CGRRF1: variants seen among roughly 807,000 people sequenced by gnomAD.
CGRRF1 encodes cell growth regulator with ring finger domain 1, also known as cell growth regulator with RING finger domain protein 1.
CGRRF1 carries 32 observed loss-of-function variants against 37.2 expected under a neutral mutation model. The ratio of observed to expected loss-of-function variants is 0.86; its 90% CI spans 0.65 to 1.16. The LOEUF is 1.16. Ranked by LOEUF, CGRRF1 falls within the 50% of genes most tolerant of loss-of-function variation. The pLI, the probability that CGRRF1 is intolerant of heterozygous loss-of-function variation, is 0.00. For synonymous variants in CGRRF1, 141 were observed against 140.3 expected (o/e 1.00, Z -0.04); for missense variants, 391 against 382.6 (o/e 1.02, Z -0.18).
chr14:54,518,358 C>T (rs2032252219), intron 1 of CGRRF1, among the ~76,000 whole-genome samples: 1 of 151,862 alleles, frequency 6.6e-6, no homozygotes, highest in Non-Finnish European at 1.5e-5. Context: ...CCAGCCTGAC[C>T]AACATGGAGA....
At chr14:54,518,089 A>G (rs551211311) in intron 1 of CGRRF1, among the ~76,000 whole-genome samples, 20 of 152,154 alleles carry the variant, frequency 1.3e-4, no homozygotes, top group African/African-American at 3.9e-4. Context: ...TAATATATGC[A>G]TGCATGTATC....
chr14:54,530,917 G>A lies in CGRRF1; in HGVS notation c.437G>A (p.Ser146Asn), dbSNP rs779098640. 7 of 1,593,320 alleles carry A rather than the reference G, an allele frequency of 4.4e-6. No homozygotes were observed. In the South Asian group the frequency reaches 6.6e-5, roughly 15 times the overall value. The stretch of plus-strand genomic sequence containing the variant: ...TTTTCAAAAAGTATTAAAAAGGATA[G>A]CAAAGAAGAAATATATTGCCAGTTA... Reference protein sequence around the residue: ...YQEQYFIKKDSKEEIYCQLPR... With the variant: ...YQEQYFIKKDNKEEIYCQLPR... The change falls in exon 4 of 6, where the codon AGC (serine) becomes AAC (asparagine). Residue 146 changes from serine to asparagine, a missense_variant. Coordinates refer to ENST00000216420, the MANE Select transcript of CGRRF1 (RefSeq NM_006568.3).
Position 54,530,910 on chromosome 14 carries a change from A to T in CGRRF1, c.430A>T (p.Lys144Ter), listed in dbSNP as rs755839044. 1 of 1,588,832 alleles carries T rather than the reference A, an allele frequency of 6.3e-7. No homozygotes were observed. Among genetic ancestry groups the T allele is most frequent in the Non-Finnish European group, 8.6e-7 (1 of 1,159,084 alleles). ...CTTTACATTTTCAAAAAGTATTAAA[A>T]AGGATAGCAAAGAAGAAATATATTG... ...YLYQEQYFIK[K>*]DSKEEIYCQL... The change falls in exon 4 of 6, where the codon AAG becomes TAG. Residue 144 changes from lysine (K) to a stop codon, truncating the protein, a stop_gained. Transcript: ENST00000216420. LOFTEE classifies it high-confidence loss of function.
chr14:54,526,009 A>T (rs1158586646), intron 2 of CGRRF1, among the ~76,000 whole-genome samples: 2 of 151,892 alleles, frequency 1.3e-5, no homozygotes, highest in African/African-American at 4.8e-5. Flanking sequence ...AGGCTGGAGG[A>T]TTGCTTAAGT....
At chr14:54,513,055 T>TA (rs1378710372) in intron 1 of CGRRF1, among the ~76,000 whole-genome samples, 5 of 152,330 alleles carry the variant, frequency 3.3e-5, no homozygotes, top group Admixed American at 3.3e-4. Flanking sequence ...CTGACAACTT[T>TA]AAAAATCAAG....
In CGRRF1 at chr14:54,538,385, G is replaced by C. The variant is rs150559786; in HGVS notation, c.*2G>C. On this transcript the variant is annotated 3_prime_UTR_variant, in exon 6 of 6. Transcript: ENST00000216420. ...AAAGACAAACCGAAGACTCTTTGAA[G>C]ACATCGTAACACTGAAAAGTACACT... The C allele has an allele frequency of 2.5e-6, 4 of 1,598,520 alleles. No homozygotes were observed. The African/African-American group carries it at 5.4e-5, about 21-fold the overall frequency.
chr14:54,522,384 A>C (rs1464281313), intron 1 of CGRRF1, 70 bp from the exon 2 acceptor site: 2 of 1,134,556 alleles, frequency 1.8e-6, no homozygotes, highest in African/African-American at 3.2e-5. Flanking sequence ...ATGAAGCACA[A>C]CAGATTTTAC....
At chr14:54,534,170 G>A (rs1451717923) in intron 4 of CGRRF1, among the ~76,000 whole-genome samples, 1 of 152,030 alleles carries the variant, frequency 6.6e-6, no homozygotes, top group Non-Finnish European at 1.5e-5. Flanking sequence ...TGTCGCCCAG[G>A]CTGGTGTGCA....
intron 1 of CGRRF1, among the ~76,000 whole-genome samples, chr14:54,517,495 C>T (rs2032237300): frequency 6.6e-6 from 1 of 152,130 alleles, no homozygotes; most frequent in African/African-American, 2.4e-5. Context: ...TAGTTTTCAA[C>T]CTAAATTTTA....
At chr14:54,532,354 A>G (rs2032529652) in intron 4 of CGRRF1, among the ~76,000 whole-genome samples, 1 of 152,086 alleles carries the variant, frequency 6.6e-6, no homozygotes, top group Admixed American at 6.6e-5. Context: ...GGGGAAGGAA[A>G]TGGGGATATG....
intron 1 of CGRRF1, 24 bp from the exon 2 acceptor site, chr14:54,522,430 A>G (rs962177894): frequency 2.0e-5 from 29 of 1,453,440 alleles, no homozygotes; most frequent in Non-Finnish European, 2.3e-5. Context: ...TTAAAATAAT[A>G]TTTTATTTTT....
intron 2 of CGRRF1, among the ~76,000 whole-genome samples, chr14:54,527,105 A>C (rs944090213): frequency 6.6e-6 from 1 of 152,136 alleles, no homozygotes; most frequent in Non-Finnish European, 1.5e-5. Context: ...TTTGATTCTG[A>C]ATTTTCTTAC....
chr14:54,531,941 T>C (rs2032522313), intron 4 of CGRRF1, among the ~76,000 whole-genome samples: 1 of 152,212 alleles, frequency 6.6e-6, no homozygotes, highest in Admixed American at 6.5e-5. Flanking sequence ...TAACATTGTT[T>C]TGTGATATTC....
Position 54,518,626 on chromosome 14 carries a change from T to A in CGRRF1, c.105-3828T>A, listed in dbSNP as rs116264443. On this transcript the variant is annotated intron_variant, in intron 1 of 5. Coordinates refer to ENST00000216420, the MANE Select transcript of CGRRF1 (RefSeq NM_006568.3). The stretch of plus-strand genomic sequence containing the variant: ...AAGATCTGTTGTTTCTGGATTTTTT[T>A]AATAATTGCCATTATGACTGGCGTG... Among the ~76,000 whole-genome samples, 1,338 of 152,336 alleles carry A rather than the reference T, an allele frequency of 8.8e-3. 16 individuals carry two copies. The highest frequency in any genetic ancestry group is 0.031 in the African/African-American group (1,271 of 41,568).
intron 2 of CGRRF1, among the ~76,000 whole-genome samples, chr14:54,524,944 G>A (rs1464878893): frequency 6.6e-6 from 1 of 152,188 alleles, no homozygotes; most frequent in Non-Finnish European, 1.5e-5. Context: ...CTACTCGGGA[G>A]GATGAGGTGG....
intron 1 of CGRRF1, among the ~76,000 whole-genome samples, chr14:54,518,869 A>C (rs899726901): frequency 6.6e-6 from 1 of 152,212 alleles, no homozygotes; most frequent in African/African-American, 2.4e-5. Context: ...AGATTGCAAA[A>C]ACATTTTATA....
intron 2 of CGRRF1, among the ~76,000 whole-genome samples, chr14:54,525,106 C>A (rs1416799849): frequency 6.6e-6 from 1 of 152,196 alleles, no homozygotes; most frequent in Non-Finnish European, 1.5e-5. Flanking sequence ...CCTCCCACCT[C>A]TGTGGCCATA....
At chr14:54,530,017 C>T (rs2032481344) in intron 2 of CGRRF1, 32 bp from the exon 3 acceptor site, 2 of 1,557,702 alleles carry the variant, frequency 1.3e-6, no homozygotes, top group Non-Finnish European at 1.8e-6. Flanking sequence ...TACATTAAAT[C>T]ACTTTCATTC....
At chr14:54,515,788 G>A (rs2140054741) in intron 1 of CGRRF1, among the ~76,000 whole-genome samples, 1 of 151,954 alleles carries the variant, frequency 6.6e-6, no homozygotes, top group Non-Finnish European at 1.5e-5. Context: ...CCTTTTACTT[G>A]TAAACTCTTT....
Sources: gnomAD v4.1 joint callset for allele counts (sites outside exome capture counted in the v4.1 genomes callset) on GRCh38, gnomAD v4.1.1 for gene constraint, MANE v1.5 for transcripts, NCBI Gene and HGNC (gene_info 2026-07-23, HGNC 2026-07-21) for gene names.